The following GIT2 variants were observed in gnomAD, a reference collection of about 807,000 sequenced individuals.
GIT2 encodes the protein ARF GTPase-activating protein GIT2.
A neutral mutation model predicts 100.3 loss-of-function variants in GIT2; 32 were observed. That is an observed-to-expected ratio of 0.32 (90% CI 0.24 to 0.43). GIT2 has a LOEUF of 0.43. Ranked by LOEUF, GIT2 falls within the 20% of genes least tolerant of loss-of-function variation. The probability of loss-of-function intolerance (pLI) is 1.00; values close to 1 mark genes in which losing one functional copy is unlikely to be tolerated. For missense variants in GIT2, 737 were observed against 975.1 expected (o/e 0.76, Z 3.25); for synonymous variants, 353 against 364.1 (o/e 0.97, Z 0.35).
At chr12:109,969,398 C>T (rs182303133) in intron 7 of GIT2, among the ~76,000 whole-genome samples, 226 of 152,188 alleles carry the variant, frequency 1.5e-3, no homozygotes, top group South Asian at 2.3e-3. Flanking sequence ...AACTTCAGAC[C>T]TCTGGTGATC....
intron 6 of GIT2, 76 bp from the exon 7 acceptor site, chr12:109,981,122 C>T (rs1005391275): frequency 5.6e-6 from 5 of 894,990 alleles, no homozygotes; most frequent in Non-Finnish European, 9.5e-6. Context: ...AAGACGTCTC[C>T]TGAGACACCT....
In GIT2 at chr12:109,960,036, C is replaced by T. The variant is rs555133139; in HGVS notation, c.988-78G>A. The T allele has an allele frequency of 5.5e-6, 5 of 907,760 alleles. No individual in the cohort carries two copies. In the East Asian group the frequency reaches 1.3e-4, roughly 23 times the overall value. 56.2% of individuals were successfully genotyped at this position (907,760 alleles called of 1,614,324 possible). A position where few individuals can be genotyped will look rare whatever the true frequency, so the allele number is the denominator to read the frequency against. ...AAATAGTCACATAAAACTAGTCAGACTATTGACAGACTTCTGCAAATACTT... is the reference window on the plus strand; with the variant it reads ...AAATAGTCACATAAAACTAGTCAGATTATTGACAGACTTCTGCAAATACTT... On this transcript the variant is annotated intron_variant, in intron 11 of 19. Coordinates refer to ENST00000355312, the MANE Select transcript of GIT2 (RefSeq NM_057169.5).
chr12:109,961,396 G>C, intron 10 of GIT2, 21 bp from the exon 11 acceptor site: 2 of 1,474,170 alleles, frequency 1.4e-6, no homozygotes, highest in Non-Finnish European at 1.9e-6. Context: ...GAAAGAGCCA[G>C]AGACAAACCT....
In GIT2 at chr12:109,996,339, T is replaced by C; in HGVS notation, c.-115A>G. The C allele has an allele frequency of 2.9e-6, 2 of 688,718 alleles. No individual in the cohort carries two copies. The highest frequency in any genetic ancestry group is 6.5e-5 in the East Asian group (2 of 30,796). The allele number at this position is 688,718 out of a possible 1,614,324, so 42.7% of individuals were successfully genotyped here. ...CTGCGGCGGCGCTGACGGCGGCGCC[T>C]CTCCCCTCAGCGCCTTGCAGCCTTG... On this transcript the variant is annotated 5_prime_UTR_variant, in exon 1 of 20. Transcript: ENST00000355312.
intron 12 of GIT2, among the ~76,000 whole-genome samples, chr12:109,955,361 C>A (rs778621785): frequency 1.3e-5 from 2 of 152,120 alleles, no homozygotes; most frequent in Non-Finnish European, 2.9e-5. Context: ...CTTCTGACCT[C>A]GTGATCTGCC....
intron 7 of GIT2, among the ~76,000 whole-genome samples, chr12:109,976,057 C>T (rs1048648735): frequency 2.0e-5 from 3 of 150,154 alleles, no homozygotes; most frequent in Non-Finnish European, 3.0e-5. Flanking sequence ...GGCACTACAC[C>T]GTGCCTGGCT....
chr12:109,961,702 T>A lies in GIT2; in HGVS notation c.817-17A>T, dbSNP rs1881132346. ...ATTACTTAGCTGAAAATAAAAAATA[T>A]CAGGAACACAAGGGACAATGATTAA... On this transcript the variant is annotated splice_polypyrimidine_tract_variant and intron_variant, in intron 9 of 19. Coordinates refer to ENST00000355312, the MANE Select transcript of GIT2 (RefSeq NM_057169.5). 6.9e-7 allele frequency: 1 copy of A among 1,447,712 alleles called. No homozygotes were observed. Among genetic ancestry groups the A allele is most frequent in the Admixed American group, 1.7e-5 (1 of 59,794 alleles). The allele number at this position is 1,447,712 out of a possible 1,614,324, so 89.7% of individuals were successfully genotyped here.
Position 109,963,773 on chromosome 12 carries a change from T to G in GIT2, c.816+1753A>C, listed in dbSNP as rs971561371. On this transcript the variant is annotated intron_variant, in intron 9 of 19. Transcript: ENST00000355312. ...AAACACTGACCTGGCGCTGATAAGA[T>G]GGTCACCTATGAGAAGGAGACCACA... Among the ~76,000 whole-genome samples the G allele has an allele frequency of 2.0e-5, 3 of 152,284 alleles. No homozygotes were observed. The South Asian group carries it at 6.2e-4, about 32-fold the overall frequency.
chr12:109,946,772 T>C (rs1416312005), intron 15 of GIT2, among the ~76,000 whole-genome samples: 1 of 152,108 alleles, frequency 6.6e-6, no homozygotes, highest in Non-Finnish European at 1.5e-5. Context: ...CTTGCCTGGG[T>C]ACCTGGGCCA....
chr12:109,943,692 CTTTTT>C (rs113590433), intron 16 of GIT2, among the ~76,000 whole-genome samples: 1 of 137,936 alleles, frequency 7.2e-6, no homozygotes, highest in Non-Finnish European at 1.6e-5. Context: ...ACAGTAATTC[CTTTTT>C]TTTTTTTGAG....
Position 109,932,972 on chromosome 12 carries a change from C to T in GIT2, c.*6G>A. On this transcript the variant is annotated 3_prime_UTR_variant, in exon 20 of 20. Coordinates refer to ENST00000355312, the MANE Select transcript of GIT2 (RefSeq NM_057169.5). ...AGAAAACAGAGGAGGCGGTGCCCTGCCCTTGTCAGTTGTTGTTCTCTTTGG... is the reference window on the plus strand; with the variant it reads ...AGAAAACAGAGGAGGCGGTGCCCTGTCCTTGTCAGTTGTTGTTCTCTTTGG... 6.4e-7 allele frequency: 1 copy of T among 1,564,692 alleles called. No individual in the cohort carries two copies. The highest frequency in any genetic ancestry group is 2.2e-5 in the East Asian group (1 of 44,654).
At chr12:109,996,425 G>A, upstream of GIT2, 2 of 526,966 alleles carry the variant, frequency 3.8e-6, no homozygotes, top group Non-Finnish European at 6.7e-6. Context: ...TGACCGGAAA[G>A]GGCACTCTGC....
intron 2 of GIT2, 103 bp downstream of exon 2, chr12:109,991,524 G>C: frequency 1.2e-6 from 1 of 858,328 alleles, no homozygotes; most frequent in South Asian, 1.6e-5. Flanking sequence ...TTATGAAACA[G>C]TTTTGTCTTA....
At chr12:109,946,503 T>C (rs1303085032) in intron 15 of GIT2, among the ~76,000 whole-genome samples, 1 of 152,196 alleles carries the variant, frequency 6.6e-6, no homozygotes, top group African/African-American at 2.4e-5. Context: ...TATAATAAAG[T>C]AATCCAGAAG....
intron 16 of GIT2, chr12:109,940,367 C>A (rs1021487202): frequency 6.6e-6 from 1 of 152,178 alleles, no homozygotes; most frequent in East Asian, 1.9e-4. Flanking sequence ...TAATTTAAAA[C>A]CTAAACCACT....
At chr12:109,996,002 C>G (rs934139951) in intron 1 of GIT2, 171 bp downstream of exon 1, 3 of 478,452 alleles carry the variant, frequency 6.3e-6, no homozygotes, top group Non-Finnish European at 1.1e-5. Flanking sequence ...GCGGCGGCCC[C>G]CTGCCCGCCC....
upstream of GIT2, chr12:109,999,806 C>G (rs545085009): frequency 1.3e-6 from 2 of 1,518,906 alleles, no homozygotes; most frequent in South Asian, 2.5e-5. This position sits in a 1 kb window ranked among gnomAD's most constrained non-coding sequence, Gnocchi z 4.3. Flanking sequence ...GGCGGGGGTC[C>G]GTCTCCCGGT....
At chr12:109,975,132 G>C (rs768456986) in intron 7 of GIT2, among the ~76,000 whole-genome samples, 1 of 151,890 alleles carries the variant, frequency 6.6e-6, no homozygotes, top group Non-Finnish European at 1.5e-5. Context: ...TATACTTTTG[G>C]TTTTTAACTT....
chr12:109,971,762 G>A (rs574517360), intron 7 of GIT2, among the ~76,000 whole-genome samples: 7 of 152,090 alleles, frequency 4.6e-5, no homozygotes, highest in African/African-American at 1.4e-4. Flanking sequence ...GGAGGCCAAG[G>A]TGGGTGGATC....
Sources: gnomAD v4.1 joint callset for allele counts (sites outside exome capture counted in the v4.1 genomes callset) on GRCh38, gnomAD v4.1.1 for gene constraint, Gnocchi (gnomAD v3.1) non-coding constraint, MANE v1.5 for transcripts, NCBI Gene and HGNC (gene_info 2026-07-23, HGNC 2026-07-21) for gene names.